The following EPB41L2 variants were observed in gnomAD, a reference collection of about 807,000 sequenced individuals.
The protein encoded by EPB41L2 is band 4.1-like protein 2.
A neutral mutation model predicts 113.0 loss-of-function variants in EPB41L2; 43 were observed. The ratio of observed to expected loss-of-function variants is 0.38; its 90% CI spans 0.30 to 0.49. The LOEUF is 0.49. Among genes scored for constraint, EPB41L2 ranks in the 20% least tolerant of loss-of-function variants. The pLI, the probability that EPB41L2 is intolerant of heterozygous loss-of-function variation, is 0.95. For synonymous variants in EPB41L2, 442 were observed against 436.7 expected, an observed-to-expected ratio of 1.01 and a Z score of -0.15; for missense variants, 1,147 against 1,223.4, an observed-to-expected ratio of 0.94 and a Z score of 0.93.
intron 4 of EPB41L2, among the ~76,000 whole-genome samples, chr6:130,919,874 G>C (rs1802324146): frequency 6.6e-6 from 1 of 152,138 alleles, no homozygotes; most frequent in African/African-American, 2.4e-5. Context: ...CTAATTCTTG[G>C]TTGGCTCCTT....
intron 1 of EPB41L2, among the ~76,000 whole-genome samples, chr6:130,996,338 C>G (rs1783094244): frequency 1.3e-5 from 2 of 152,226 alleles, no homozygotes; most frequent in African/African-American, 4.8e-5. Flanking sequence ...CCCCAGATGA[C>G]AGGAGTCAGG....
chr6:130,951,312 C>CTTTTTTTTTTTTTTTTTTTT (rs34082234), intron 3 of EPB41L2, among the ~76,000 whole-genome samples: 1 of 50,820 alleles, frequency 2.0e-5, no homozygotes, highest in Non-Finnish European at 3.1e-5. Flanking sequence ...AGCCTCAGTA[C>CTTTTTTTTTTTTTTTTTTTT]TTTTTTTTTT....
chr6:130,918,021 T>A (rs930610292), intron 4 of EPB41L2, among the ~76,000 whole-genome samples: 1 of 152,202 alleles, frequency 6.6e-6, no homozygotes. Flanking sequence ...CCCTTTAATA[T>A]ACCTTTGCCT....
intron 4 of EPB41L2, among the ~76,000 whole-genome samples, chr6:130,915,042 G>A (rs1256323283): frequency 1.3e-5 from 2 of 152,144 alleles, no homozygotes; most frequent in Non-Finnish European, 2.9e-5. Context: ...GGTGGCTCAC[G>A]CCTGTAATCC....
chr6:131,025,314 T>C (rs1790607365), intron 1 of EPB41L2, among the ~76,000 whole-genome samples: 1 of 152,200 alleles, frequency 6.6e-6, no homozygotes, highest in Non-Finnish European at 1.5e-5. Flanking sequence ...GTGCTAGCTA[T>C]TTTATTATTA....
At chr6:131,035,419 T>C (rs1793096479) in intron 1 of EPB41L2, among the ~76,000 whole-genome samples, 1 of 152,196 alleles carries the variant, frequency 6.6e-6, no homozygotes, top group African/African-American at 2.4e-5. Flanking sequence ...AATGTAGTCC[T>C]ACTCTTGTAC....
chr6:130,878,414 G>A (rs1001215296), intron 13 of EPB41L2, 164 bp from the exon 14 acceptor site: 3 of 684,250 alleles, frequency 4.4e-6, no homozygotes, highest in Non-Finnish European at 4.6e-6. Flanking sequence ...TATTATCTAT[G>A]AGTAAGTTCA....
At chr6:130,975,492 G>C (rs571890846) in intron 1 of EPB41L2, among the ~76,000 whole-genome samples, 4 of 152,252 alleles carry the variant, frequency 2.6e-5, no homozygotes, top group African/African-American at 7.2e-5. Context: ...CCAATAATCT[G>C]ATGAGTCACT....
intron 13 of EPB41L2, 34 bp from the exon 14 acceptor site, chr6:130,878,284 A>G: frequency 1.3e-6 from 2 of 1,578,674 alleles, no homozygotes; most frequent in Non-Finnish European, 1.7e-6. Context: ...GGGGGGAAAA[A>G]TCCAAAAGGA....
intron 4 of EPB41L2, among the ~76,000 whole-genome samples, chr6:130,920,798 C>T (rs1802634191): frequency 6.6e-6 from 1 of 152,172 alleles, no homozygotes; most frequent in Non-Finnish European, 1.5e-5. Flanking sequence ...GTATGAGCCA[C>T]CATACCTGGC....
chr6:131,003,021 G>C (rs1335235302), intron 1 of EPB41L2, among the ~76,000 whole-genome samples: 1 of 152,156 alleles, frequency 6.6e-6, no homozygotes, highest in Non-Finnish European at 1.5e-5. Flanking sequence ...GAAAATAATA[G>C]TAGTTTTAAG....
chr6:130,876,498 T>G (rs906531115), intron 14 of EPB41L2, among the ~76,000 whole-genome samples: 12 of 152,222 alleles, frequency 7.9e-5, no homozygotes, highest in Non-Finnish European at 1.8e-4. Flanking sequence ...ATGGTATTTC[T>G]CATCCAACAA....
At chr6:130,933,269 G>A (rs9483193) in intron 3 of EPB41L2, among the ~76,000 whole-genome samples, 1 of 151,954 alleles carries the variant, frequency 6.6e-6, no homozygotes, top group Non-Finnish European at 1.5e-5. Context: ...AGTACAATCC[G>A]AGTCAATCTC....
At chr6:131,012,253 A>G (rs1041824418) in intron 1 of EPB41L2, among the ~76,000 whole-genome samples, 2 of 151,480 alleles carry the variant, frequency 1.3e-5, no homozygotes, top group Admixed American at 6.6e-5. Flanking sequence ...TTGTTATGAA[A>G]AAAAATCTCA....
At chr6:131,038,529 T>C (rs144807333) in intron 1 of EPB41L2, among the ~76,000 whole-genome samples, 2 of 152,344 alleles carry the variant, frequency 1.3e-5, no homozygotes, top group East Asian at 1.9e-4. Flanking sequence ...GGTCTACTTA[T>C]AGTTATAAAA....
At chr6:130,995,337 A>C (rs1782847163) in intron 1 of EPB41L2, among the ~76,000 whole-genome samples, 1 of 151,154 alleles carries the variant, frequency 6.6e-6, no homozygotes, top group Non-Finnish European at 1.5e-5. Context: ...TCCGTCTCAA[A>C]AAAACAAACA....
At chr6:130,955,935 T>C in intron 2 of EPB41L2, 59 bp downstream of exon 2, 1 of 1,544,514 alleles carries the variant, frequency 6.5e-7, no homozygotes, top group Non-Finnish European at 8.7e-7. Context: ...AACAAACCCT[T>C]TTTATTATGT....
At chr6:131,035,020 C>A (rs1207621370) in intron 1 of EPB41L2, among the ~76,000 whole-genome samples, 1 of 152,212 alleles carries the variant, frequency 6.6e-6, no homozygotes, top group Non-Finnish European at 1.5e-5. Context: ...CCCACATCCA[C>A]AAGAAAATGA....
chr6:130,880,014 C>T lies in EPB41L2; in HGVS notation c.1896+130G>A, dbSNP rs184058035. 9.4e-5 allele frequency: 61 copies of T among 647,054 alleles called. No individual in the cohort carries two copies. The Middle Eastern group carries it at 2.3e-3, about 24-fold the overall frequency. The allele number at this position is 647,054 out of a possible 1,614,324, so 40.1% of individuals were successfully genotyped here. A position where few individuals can be genotyped will look rare whatever the true frequency, so the allele number is the denominator to read the frequency against. On this transcript the variant is annotated intron_variant, in intron 13 of 19. Transcript: ENST00000337057. The stretch of plus-strand genomic sequence containing the variant: ...CCGTCAGGCTGGTAACATGCACTCC[C>T]GAGCTGAATTCCCCCATGCACTGCA...
Sources: gnomAD v4.1 joint callset for allele counts (sites outside exome capture counted in the v4.1 genomes callset) on GRCh38, gnomAD v4.1.1 for gene constraint, MANE v1.5 for transcripts, NCBI Gene and HGNC (gene_info 2026-07-23, HGNC 2026-07-21) for gene names.